Variants in KSR2 observed in about 807,000 individuals in gnomAD.
KSR2 encodes the protein kinase suppressor of ras 2.
Under a neutral mutation model 107.8 loss-of-function variants are expected in KSR2, and 25 were observed. The ratio of observed to expected loss-of-function variants is 0.23; its 90% confidence interval spans 0.17 to 0.32. The LOEUF is 0.32. Ranked by LOEUF, KSR2 falls within the 10% of genes least tolerant of loss-of-function variation. The pLI is 1.00. For synonymous variants in KSR2, 480 were observed against 507.0 expected (o/e 0.95, Z 0.71); for missense variants, 887 against 1,268.9 (o/e 0.70, Z 4.57).
At position 117,546,675 on chromosome 12, in the gene KSR2, A is replaced by T. The variant is rs566125276; in HGVS notation, c.1519-6788T>A. On this transcript the variant is annotated intron_variant, in intron 9 of 19. Coordinates refer to ENST00000339824, the MANE Select transcript of KSR2 (RefSeq NM_173598.6). The stretch of plus-strand genomic sequence containing the variant: ...CTGCTCAGGCCATTTTCTCTCTGTT[A>T]TCCAGACTGTGTAATTTCTATCATT... 5.3e-5 allele frequency among the ~76,000 whole-genome samples: 8 copies of T among 152,288 alleles called. No homozygotes were observed. The East Asian group carries it at 1.5e-3, about 29-fold the overall frequency.
At chr12:117,651,926 T>C (rs547825858) in intron 5 of KSR2, among the ~76,000 whole-genome samples, 19 of 152,288 alleles carry the variant, frequency 1.2e-4, no homozygotes, top group African/African-American at 4.1e-4. Context: ...AGGGGAATAA[T>C]TGGATCCCAA....
At chr12:117,814,294 G>A (rs1891295853) in intron 3 of KSR2, among the ~76,000 whole-genome samples, 1 of 152,124 alleles carries the variant, frequency 6.6e-6, no homozygotes, top group African/African-American at 2.4e-5. Context: ...AATGAGAAAT[G>A]TCTGAGATGA....
intron 3 of KSR2, among the ~76,000 whole-genome samples, chr12:117,785,825 T>C (rs193177752): frequency 2.5e-4 from 38 of 152,146 alleles, no homozygotes; most frequent in African/African-American, 8.9e-4. Context: ...TATCAAAAGA[T>C]CTAACATTCA....
rs1051594037 is a variant in KSR2, at chr12:117,577,499, A to G, written c.1325+1620T>C. 4.6e-5 allele frequency among the ~76,000 whole-genome samples: 7 copies of G among 152,134 alleles called. No homozygotes were observed. The South Asian group carries it at 6.2e-4, about 14-fold the overall frequency. ...CTCACTGCCACCCAAGGCAGGCAAG[A>G]TTATTATATTAGTCTGTTTTTATGC... On this transcript the variant is annotated intron_variant, in intron 7 of 19. Coordinates refer to ENST00000339824, the MANE Select transcript of KSR2 (RefSeq NM_173598.6).
At chr12:117,647,736 T>C (rs555000132) in intron 5 of KSR2, among the ~76,000 whole-genome samples, 425 of 152,086 alleles carry the variant, frequency 2.8e-3, no homozygotes, top group African/African-American at 9.8e-3. Context: ...TTGTTCTAAT[T>C]TTTAGTGACA....
At chr12:117,666,801 T>G (rs910380708) in intron 5 of KSR2, among the ~76,000 whole-genome samples, 14 of 152,216 alleles carry the variant, frequency 9.2e-5, no homozygotes, top group Non-Finnish European at 2.1e-4. Flanking sequence ...TGGGCTTTAT[T>G]CAGTGGGGGT....
intron 3 of KSR2, among the ~76,000 whole-genome samples, chr12:117,768,677 T>A (rs895473): frequency 1.1e-4 from 17 of 152,058 alleles, no homozygotes; most frequent in Admixed American, 3.9e-4. Flanking sequence ...CTGGGATAGT[T>A]ATGGCAGTGG....
Position 117,812,214 on chromosome 12 carries a change from G to C in KSR2, c.472+43214C>G, listed in dbSNP as rs1891213459. Among the ~76,000 whole-genome samples, 3 of 152,110 alleles carry C rather than the reference G, an allele frequency of 2.0e-5. No individual in the cohort carries two copies. The South Asian group carries it at 6.2e-4, about 32-fold the overall frequency. ...ATAGCTAACCAAATTGAGATGGGCTGTAAGTATAAAATACACACAGATTTC... is the reference window on the plus strand; with the variant it reads ...ATAGCTAACCAAATTGAGATGGGCTCTAAGTATAAAATACACACAGATTTC... On this transcript the variant is annotated intron_variant, in intron 3 of 19. Transcript: ENST00000339824.
chr12:117,460,185 G>T lies in KSR2; in HGVS notation c.*7014C>A, dbSNP rs971389359. The T allele has an allele frequency of 6.6e-6, 1 of 152,174 alleles. No homozygotes were observed. Among genetic ancestry groups the T allele is most frequent in the African/African-American group, 2.4e-5 (1 of 41,434 alleles). The allele number at this position is 152,174 out of a possible 1,614,324, so 9.4% of individuals were successfully genotyped here. On this transcript the variant is annotated 3_prime_UTR_variant, in exon 20 of 20. Coordinates refer to ENST00000339824, the MANE Select transcript of KSR2 (RefSeq NM_173598.6). The stretch of plus-strand genomic sequence containing the variant: ...GGAAACAAGGTCTTATTTAGATCAG[G>T]CACATTCTAGACAGAGTCCATCTCC...
At chr12:117,826,373 G>A (rs927762601) in intron 3 of KSR2, among the ~76,000 whole-genome samples, 2 of 152,048 alleles carry the variant, frequency 1.3e-5, no homozygotes, top group African/African-American at 2.4e-5. Context: ...CTGTGGCAAC[G>A]TCCTGTTCCT....
At chr12:117,477,923 G>A (rs1871891659) in intron 16 of KSR2, among the ~76,000 whole-genome samples, 1 of 152,200 alleles carries the variant, frequency 6.6e-6, no homozygotes, top group East Asian at 1.9e-4. Flanking sequence ...ATTCTTAGAT[G>A]TGGAAGGAGG....
intron 14 of KSR2, among the ~76,000 whole-genome samples, chr12:117,487,620 C>A (rs1872535989): frequency 6.6e-6 from 1 of 152,134 alleles, no homozygotes; most frequent in Non-Finnish European, 1.5e-5. Flanking sequence ...TCCTGAACAG[C>A]CACCTACACT....
Position 117,564,586 on chromosome 12 carries a change from C to T in KSR2, c.1326-6013G>A, listed in dbSNP as rs575208402. ...TTCAGTTATCAGGAAAAGTTGCTTA[C>T]GAGGAACATCTCATTCCCCCAAGGG... is the stretch of plus-strand genomic sequence containing the variant. On this transcript the variant is annotated intron_variant, in intron 7 of 19. Coordinates refer to ENST00000339824, the MANE Select transcript of KSR2 (RefSeq NM_173598.6). 7.8e-4 allele frequency among the ~76,000 whole-genome samples: 119 copies of T among 152,328 alleles called. 1 individual carries two copies. The highest frequency in any genetic ancestry group is 7.6e-3 in the Admixed American group (117 of 15,312).
At chr12:117,484,658 C>T in intron 15 of KSR2, 109 bp from the exon 16 acceptor site, 2 of 1,084,862 alleles carry the variant, frequency 1.8e-6, no homozygotes, top group Non-Finnish European at 2.7e-6. Context: ...CCTAATGGGA[C>T]CACACTCAAC....
intron 4 of KSR2, among the ~76,000 whole-genome samples, chr12:117,753,878 A>G (rs1272507466): frequency 1.3e-5 from 2 of 151,644 alleles, no homozygotes; most frequent in Non-Finnish European, 2.9e-5. Flanking sequence ...CACTGTCTTC[A>G]TCACATTTCC....
At position 117,471,310 on chromosome 12, in the gene KSR2, AC is replaced by A; in HGVS notation, c.2592del (p.Trp864CysfsTer19). On this transcript the variant is annotated frameshift_variant, in exon 18 of 20. Coordinates refer to ENST00000339824, the MANE Select transcript of KSR2 (RefSeq NM_173598.6). LOFTEE classifies it high-confidence loss of function. ...GGCCATTCCCTGGCGTGGAGTTCAT[AC>A]CAGATTGTGCTGTTGGCAGACGTTG... ...HSDVFALGTI[W>X]YELHAREWPF... The A allele has an allele frequency of 6.2e-7, 1 of 1,613,428 alleles. No homozygotes were observed. Among genetic ancestry groups the A allele is most frequent in the Non-Finnish European group, 8.5e-7 (1 of 1,179,674 alleles).
chr12:117,931,722 A>C (rs566335160), intron 1 of KSR2, among the ~76,000 whole-genome samples: 118 of 152,344 alleles, frequency 7.7e-4, no homozygotes, highest in Non-Finnish European at 1.4e-3. Context: ...AAATTTCCAA[A>C]TAGAGCTGAG....
At chr12:117,557,809 G>A (rs1399409078) in intron 8 of KSR2, among the ~76,000 whole-genome samples, 4 of 152,150 alleles carry the variant, frequency 2.6e-5, no homozygotes, top group Non-Finnish European at 5.9e-5. Flanking sequence ...TGGAGTTTGG[G>A]GGTGATCACC....
intron 2 of KSR2, among the ~76,000 whole-genome samples, chr12:117,856,129 G>A (rs185412823): frequency 4.8e-4 from 73 of 152,284 alleles, no homozygotes; most frequent in African/African-American, 1.5e-3. Context: ...CATGCCCCGT[G>A]CTGGAAATGA....
Sources: allele counts gnomAD v4.1 joint callset (sites outside exome capture counted in the v4.1 genomes callset), GRCh38; gene constraint gnomAD v4.1.1; transcripts MANE v1.5; gene names NCBI Gene and HGNC (gene_info 2026-07-23, HGNC 2026-07-21).